Variants in FGF13 observed in about 807,000 individuals in gnomAD.
The protein encoded by FGF13 is fibroblast growth factor homologous factor 2.
FGF13 carries 2 observed loss-of-function variants against 19.5 expected under a neutral mutation model. The observed-to-expected ratio is 0.10, with a 90% CI of 0.04 to 0.32. FGF13 has a LOEUF of 0.32. FGF13 is among the 10% of genes least tolerant of loss of function. FGF13 has a pLI of 1.00. For missense variants in FGF13, 113 were observed against 192.7 expected (o/e 0.59, Z 2.45); for synonymous variants, 72 against 76.9 (o/e 0.94, Z 0.33).
intron 1 of FGF13, among the ~76,000 whole-genome samples, chrX:138,867,782 A>AATCTATCT (rs11461039): frequency 0.028 from 2,674 of 94,426 alleles, 57 homozygotes; most frequent in Middle Eastern, 0.039. Context: ...ACTGTCTCTA[A>AATCTATCT]ATCTATCTAT....
Position 138,629,948 on chromosome X carries a change from CATCAGTT to C in FGF13, c.*2895_*2901del, listed in dbSNP as rs2089099782. 9.1e-6 allele frequency: 1 copy of C among 110,257 alleles called. No homozygotes were observed. Among genetic ancestry groups the C allele is most frequent in the Non-Finnish European group, 1.9e-5 (1 of 52,818 alleles). 9.1% of individuals were successfully genotyped at this position (110,257 alleles called of 1,213,427 possible). On this transcript the variant is annotated 3_prime_UTR_variant, in exon 5 of 5. Transcript: ENST00000315930. ...ATTTGACTAGAGTCTTTTTTTCTTT[CATCAGTT>C]ATGTGGCAGGACTAGTATTTTCTGC...
chrX:138,980,684 T>G (rs1485385844), intron 1 of FGF13, among the ~76,000 whole-genome samples: 2 of 103,507 alleles, frequency 1.9e-5, no homozygotes, highest in Non-Finnish European at 3.9e-5. Flanking sequence ...GGTTTTTTTT[T>G]TTTTTTTTTT....
rs1449425302 is a variant in FGF13, at chrX:139,180,982, G to A, written c.-113+22434C>T. Among the ~76,000 whole-genome samples, 11 of 112,199 alleles carry A rather than the reference G, an allele frequency of 9.8e-5. No homozygotes were observed. In the Admixed American group the frequency reaches 1.0e-3, roughly 11 times the overall value. On this transcript the variant is annotated intron_variant, in intron 1 of 2. Transcript: ENST00000421460. Reference sequence around the variant, plus strand: ...AGCAGAAAAGATGACTGATAAACAAGTAACAAAATATGCCTCTTAACGGCA... The same window carrying A: ...AGCAGAAAAGATGACTGATAAACAAATAACAAAATATGCCTCTTAACGGCA...
In FGF13 at chrX:138,627,249, AAGCTGAGTGATTGACTCAAAAGG is replaced by A. The variant is rs1403754691; in HGVS notation, c.*5578_*5600del. 8.9e-6 allele frequency: 1 copy of A among 111,844 alleles called. No individual in the cohort carries two copies. The highest frequency in any genetic ancestry group is 1.9e-5 in the Non-Finnish European group (1 of 53,216). 9.2% of individuals were successfully genotyped at this position (111,844 alleles called of 1,213,427 possible). On this transcript the variant is annotated 3_prime_UTR_variant, in exon 5 of 5. Coordinates refer to ENST00000315930, the MANE Select transcript of FGF13 (RefSeq NM_004114.5). ...GGTCATAAATATCTACTGTGCCAAC[AAGCTGAGTGATTGACTCAAAAGG>A]AGCTGAGATTTTACTCAATCATTAT...
At chrX:139,073,383 T>C (rs1377218562) in intron 1 of FGF13, among the ~76,000 whole-genome samples, 1 of 111,249 alleles carries the variant, frequency 9.0e-6, no homozygotes. Flanking sequence ...AAAATAATAA[T>C]ATCATAAGAG....
At chrX:139,155,506 A>G (rs1005896371) in intron 1 of FGF13, among the ~76,000 whole-genome samples, 1 of 111,976 alleles carries the variant, frequency 8.9e-6, no homozygotes, top group African/African-American at 3.2e-5. Context: ...CAACACTCAG[A>G]TGACAGGTGG....
chrX:138,965,164 T>C (rs1347140959), intron 1 of FGF13, among the ~76,000 whole-genome samples: 1 of 112,348 alleles, frequency 8.9e-6, no homozygotes, highest in African/African-American at 3.2e-5. Context: ...CTAAATGGCC[T>C]CCCCAGGATA....
chrX:139,183,173 G>C (rs923455769), intron 1 of FGF13, among the ~76,000 whole-genome samples: 4 of 111,997 alleles, frequency 3.6e-5, no homozygotes, highest in African/African-American at 1.3e-4. Flanking sequence ...TGGCTGGCAG[G>C]ACACGCCAAA....
In FGF13 at chrX:138,945,402, C is replaced by T. The variant is rs148016631; in HGVS notation, c.-112-80752G>A. Among the ~76,000 whole-genome samples, 847 of 110,860 alleles carry T rather than the reference C, an allele frequency of 7.6e-3. 3 individuals carry two copies. The highest frequency in any genetic ancestry group is 0.012 in the Non-Finnish European group (630 of 52,905). The stretch of plus-strand genomic sequence containing the variant: ...AATCTTGAGTAATGAGGGTGAGTCA[C>T]AGGCAGCAACAAAAAAAGGTAGTCA... On this transcript the variant is annotated intron_variant, in intron 1 of 2. Coordinates refer to the FGF13 transcript ENST00000421460.
intron 1 of FGF13, among the ~76,000 whole-genome samples, chrX:139,047,393 T>G (rs905919389): frequency 1.2e-4 from 12 of 103,377 alleles, no homozygotes; most frequent in Admixed American, 8.1e-4. Flanking sequence ...TATTTTTTGG[T>G]TTTTTTTTTC....
chrX:138,844,272 T>C lies in FGF13; in HGVS notation c.217+13240A>G, dbSNP rs190931448. 2.0e-3 allele frequency among the ~76,000 whole-genome samples: 221 copies of C among 111,804 alleles called. 1 individual carries two copies. Among genetic ancestry groups the C allele is most frequent in the African/African-American group, 6.5e-3 (201 of 30,860 alleles). On this transcript the variant is annotated intron_variant, in intron 3 of 6. Coordinates refer to the FGF13 transcript ENST00000436198. ...CAATATTTTTAGATTACAGAAAAAA[T>C]TACCGAGCAAGCTTAACTACATTCA... is the stretch of plus-strand genomic sequence containing the variant.
At chrX:138,802,526 C>T (rs1299943546) in intron 3 of FGF13, among the ~76,000 whole-genome samples, 1 of 111,794 alleles carries the variant, frequency 8.9e-6, no homozygotes. Flanking sequence ...CAGACTGGAG[C>T]TGTTCCTATT....
At chrX:139,193,483 T>C (rs1387046000) in intron 1 of FGF13, among the ~76,000 whole-genome samples, 1 of 111,250 alleles carries the variant, frequency 9.0e-6, no homozygotes, top group Non-Finnish European at 1.9e-5. Flanking sequence ...CATAAGCAGA[T>C]GAGAAGTTAA....
intron 1 of FGF13, among the ~76,000 whole-genome samples, chrX:139,005,413 A>T (rs1308387871): frequency 9.0e-6 from 1 of 111,163 alleles, no homozygotes; most frequent in Non-Finnish European, 1.9e-5. Flanking sequence ...CTTAGATCCT[A>T]ATACTTAAGT....
intron 1 of FGF13, among the ~76,000 whole-genome samples, chrX:138,709,774 A>G (rs1272064766): frequency 1.8e-5 from 2 of 112,230 alleles, no homozygotes; most frequent in Admixed American, 1.9e-4. Context: ...AATAATATTT[A>G]TGTGATTATT....
At chrX:138,969,897 T>A (rs2091908711) in intron 1 of FGF13, among the ~76,000 whole-genome samples, 1 of 111,809 alleles carries the variant, frequency 8.9e-6, no homozygotes, top group South Asian at 3.7e-4. Context: ...TCACCTACCA[T>A]AATAGCTGTG....
At chrX:139,112,355 G>A (rs1363456876) in intron 1 of FGF13, among the ~76,000 whole-genome samples, 1 of 110,772 alleles carries the variant, frequency 9.0e-6, no homozygotes, top group Non-Finnish European at 1.9e-5. Flanking sequence ...TAACCATCAA[G>A]TTACCCTGCT....
intron 1 of FGF13, among the ~76,000 whole-genome samples, chrX:139,026,095 C>G (rs2092199664): frequency 9.0e-6 from 1 of 110,933 alleles, no homozygotes; most frequent in African/African-American, 3.3e-5. Flanking sequence ...TCCCATTGCC[C>G]CAACTTCCCT....
At chrX:138,951,880 G>A (rs927761015) in intron 1 of FGF13, among the ~76,000 whole-genome samples, 2 of 111,058 alleles carry the variant, frequency 1.8e-5, no homozygotes, top group East Asian at 5.7e-4. Flanking sequence ...CCACATCTAG[G>A]TAAATAAACA....
Sources: gnomAD v4.1 joint callset for allele counts (sites outside exome capture counted in the v4.1 genomes callset) on GRCh38, gnomAD v4.1.1 for gene constraint, MANE v1.5 for transcripts, NCBI Gene and HGNC (gene_info 2026-07-23, HGNC 2026-07-21) for gene names.